The following JADE2 variants were observed in gnomAD, a reference collection of about 807,000 sequenced individuals.
The protein encoded by JADE2 is jade family PHD finger 2.
A neutral mutation model predicts 85.7 loss-of-function variants in JADE2; 13 were observed. That is an observed-to-expected ratio of 0.15 (90% CI 0.10 to 0.24). The LOEUF (loss-of-function observed/expected upper bound fraction) is 0.24. JADE2 is among the 10% of genes least tolerant of loss of function. JADE2 has a pLI of 1.00. For missense variants in JADE2, 846 were observed against 1,115.9 expected, an observed-to-expected ratio of 0.76 and a Z score of 3.45; for synonymous variants, 440 against 456.1, an observed-to-expected ratio of 0.96 and a Z score of 0.45.
rs1167625549 is a variant in JADE2 at position 134,560,731 on chromosome 5, C to T, written c.473-15C>T. 6.2e-7 allele frequency: 1 copy of T among 1,609,092 alleles called. No individual in the cohort carries two copies. Among genetic ancestry groups the T allele is most frequent in the African/African-American group, 1.3e-5 (1 of 74,844 alleles). On this transcript the variant is annotated splice_polypyrimidine_tract_variant and intron_variant, in intron 5 of 11. Coordinates refer to ENST00000681547, the MANE Select transcript of JADE2 (RefSeq NM_001388185.1). Reference sequence around the variant, plus strand: ...GGGCTCCTAACACCACCATGCCCTGCTGTCCTCCTCACAGAGAGGCCGGAG... The same window carrying T: ...GGGCTCCTAACACCACCATGCCCTGTTGTCCTCCTCACAGAGAGGCCGGAG...
chr5:134,528,028 C>T (rs1253817705), intron 1 of JADE2, among the ~76,000 whole-genome samples: 2 of 152,116 alleles, frequency 1.3e-5, no homozygotes, highest in Non-Finnish European at 2.9e-5. Context: ...CCATTCAGAG[C>T]GGTTCCAAAG....
At chr5:134,546,555 G>T (rs1237372856) in intron 3 of JADE2, among the ~76,000 whole-genome samples, 2 of 152,064 alleles carry the variant, frequency 1.3e-5, no homozygotes, top group African/African-American at 2.4e-5. Flanking sequence ...ATCACTTGAG[G>T]TCAGGAGTTC....
At chr5:134,575,368 G>A (rs866168358) in intron 10 of JADE2, 2 of 152,270 alleles carry the variant, frequency 1.3e-5, no homozygotes, top group South Asian at 2.1e-4. Flanking sequence ...GTGAAGGATA[G>A]GAGAAGAAAA....
At chr5:134,531,692 C>T (rs914888310) in intron 1 of JADE2, among the ~76,000 whole-genome samples, 1 of 151,928 alleles carries the variant, frequency 6.6e-6, no homozygotes, top group Admixed American at 6.6e-5. Context: ...AAGCAATTCT[C>T]TTGCCTCAGC....
rs1763680106 is a variant in JADE2 at position 134,566,963 on chromosome 5, C to G, written c.1434+383C>G. ...GCCCCGCCTGGTCCTAACACATGAG[C>G]TTGCATTGAGAATCTGAGGCAGAGG... is the stretch of plus-strand genomic sequence containing the variant. On this transcript the variant is annotated intron_variant, in intron 9 of 11. Coordinates refer to ENST00000681547, the MANE Select transcript of JADE2 (RefSeq NM_001388185.1). This position sits in a 1 kb window ranked among gnomAD's most constrained non-coding sequence, Gnocchi z 6.7. 6.6e-6 allele frequency among the ~76,000 whole-genome samples: 1 copy of G among 152,218 alleles called. No individual in the cohort carries two copies. Among genetic ancestry groups the G allele is most frequent in the Admixed American group, 6.5e-5 (1 of 15,288 alleles).
At chr5:134,561,628 T>C (rs1032639397) in intron 6 of JADE2, among the ~76,000 whole-genome samples, 1 of 152,184 alleles carries the variant, frequency 6.6e-6, no homozygotes, top group African/African-American at 2.4e-5. Context: ...AGGCTGCCCT[T>C]ATGCACCATC....
chr5:134,546,154 TTTTG>T (rs35088130), intron 3 of JADE2, among the ~76,000 whole-genome samples: 12,886 of 151,672 alleles, frequency 0.085, 715 homozygotes, highest in East Asian at 0.22. Context: ...TTTTTTGTTT[TTTTG>T]TTTGTTTGTT....
rs554222578 is a variant in JADE2 at position 134,563,543 on chromosome 5, C to T, written c.853-951C>T. On this transcript the variant is annotated intron_variant, in intron 7 of 11. Coordinates refer to ENST00000681547, the MANE Select transcript of JADE2 (RefSeq NM_001388185.1). ...GAAATGTTGAAATGCACCAGAGTTT[C>T]AGCCCCAGCCCTGCTGTGTGGACTG... Among the ~76,000 whole-genome samples the T allele has an allele frequency of 3.3e-5, 5 of 152,346 alleles. No individual in the cohort carries two copies. The South Asian group carries it at 1.0e-3, about 32-fold the overall frequency.
At chr5:134,556,121 G>A (rs1373447539) in intron 4 of JADE2, among the ~76,000 whole-genome samples, 2 of 152,184 alleles carry the variant, frequency 1.3e-5, no homozygotes, top group African/African-American at 4.8e-5. Context: ...CTAAAGCCCT[G>A]CCCCTTCCTC....
At chr5:134,575,189 G>T (rs750886884) in intron 10 of JADE2, 1 of 152,298 alleles carries the variant, frequency 6.6e-6, no homozygotes, top group Non-Finnish European at 1.5e-5. Flanking sequence ...GCAGGGCAGG[G>T]TATTTGGAGA....
chr5:134,537,461 A>C (rs989235583), intron 2 of JADE2, among the ~76,000 whole-genome samples: 1 of 144,282 alleles, frequency 6.9e-6, no homozygotes, highest in Non-Finnish European at 1.5e-5. Context: ...CCCATTTTAC[A>C]GAAGAACAAA....
intron 1 of JADE2, among the ~76,000 whole-genome samples, chr5:134,531,035 C>T (rs564103214): frequency 6.6e-6 from 1 of 152,326 alleles, no homozygotes; most frequent in East Asian, 1.9e-4. Flanking sequence ...GCTCAACAAG[C>T]ACAGCTGGGA....
intron 8 of JADE2, 24 bp downstream of exon 8, chr5:134,564,634 G>A (rs1348677250): frequency 6.9e-7 from 1 of 1,444,022 alleles, no homozygotes; most frequent in Non-Finnish European, 9.4e-7. Context: ...TTCACCTCCT[G>A]CTGCCAGGAG....
intron 9 of JADE2, among the ~76,000 whole-genome samples, chr5:134,571,879 C>T (rs984268684): frequency 2.6e-5 from 4 of 152,230 alleles, no homozygotes; most frequent in African/African-American, 9.6e-5. Flanking sequence ...CCAGGCTCTG[C>T]CCTGCCGTGT....
At chr5:134,533,637 A>T (rs1459583294) in intron 1 of JADE2, 2 of 952,358 alleles carry the variant, frequency 2.1e-6, no homozygotes, top group East Asian at 2.3e-4. Flanking sequence ...CACCGATGTC[A>T]GGACAAAGCT....
At chr5:134,556,345 G>A (rs1359259630) in intron 4 of JADE2, among the ~76,000 whole-genome samples, 1 of 152,096 alleles carries the variant, frequency 6.6e-6, no homozygotes, top group Admixed American at 6.6e-5. Flanking sequence ...AGGGGAAACC[G>A]TGCCCTCCTG....
intron 3 of JADE2, among the ~76,000 whole-genome samples, chr5:134,545,890 G>C (rs567877695): frequency 6.6e-6 from 1 of 152,268 alleles, no homozygotes; most frequent in Non-Finnish European, 1.5e-5. Context: ...GAGGAAGAAG[G>C]CACCACTTCC....
intron 4 of JADE2, among the ~76,000 whole-genome samples, chr5:134,559,496 C>T (rs1419160101): frequency 6.6e-6 from 1 of 152,208 alleles, no homozygotes; most frequent in Non-Finnish European, 1.5e-5. Context: ...GGCCCCGCTA[C>T]CCTGATGGCA....
At chr5:134,525,589 GCCCGCCCCCAC>G (rs1325036592), upstream of JADE2, 5 of 191,200 alleles carry the variant, frequency 2.6e-5, no homozygotes, top group Non-Finnish European at 5.2e-5. Flanking sequence ...CGCTCCTCCT[GCCCGCCCCCAC>G]CCCACCCCCA....
Sources: allele counts gnomAD v4.1 joint callset (sites outside exome capture counted in the v4.1 genomes callset), GRCh38; gene constraint gnomAD v4.1.1; non-coding constraint Gnocchi (gnomAD v3.1); transcripts MANE v1.5; gene names NCBI Gene and HGNC (gene_info 2026-07-23, HGNC 2026-07-21).